Variants in EPB41L4A observed in about 807,000 individuals in gnomAD.
EPB41L4A encodes the protein erythrocyte membrane protein band 4.1 like 4A.
In EPB41L4A, 100 loss-of-function variants were observed where a neutral mutation model predicts 108.6. The ratio of observed to expected loss-of-function variants is 0.92; its 90% CI spans 0.78 to 1.09. The LOEUF is 1.09. Ranked by LOEUF, EPB41L4A falls within the 50% of genes least tolerant of loss-of-function variation. The pLI is 0.00. For missense variants in EPB41L4A, 1,030 were observed against 842.7 expected (o/e 1.22, Z -2.75); for synonymous variants, 319 against 289.0 (o/e 1.10, Z -1.05).
chr5:112,332,699 G>T (rs552486700), intron 1 of EPB41L4A, among the ~76,000 whole-genome samples: 1 of 151,898 alleles, frequency 6.6e-6, no homozygotes, highest in Non-Finnish European at 1.5e-5. Flanking sequence ...GCTAATTCTC[G>T]GAATAACAGA....
chr5:112,143,813 G>T, exon 14 of EPB41L4A: 1 of 451,080 alleles, frequency 2.2e-6, no homozygotes, highest in Non-Finnish European at 4.5e-6. Flanking sequence ...AGCCAAGGAG[G>T]TGGGGCTCTC....
chr5:112,240,929 A>C, intron 9 of EPB41L4A, 119 bp from the exon 10 acceptor site: 1 of 583,954 alleles, frequency 1.7e-6, no homozygotes, highest in Non-Finnish European at 3.0e-6. Flanking sequence ...GATAATATAT[A>C]AATAATAACT....
chr5:112,310,173 A>C (rs1227477040), intron 1 of EPB41L4A, among the ~76,000 whole-genome samples: 1 of 152,244 alleles, frequency 6.6e-6, no homozygotes, highest in African/African-American at 2.4e-5. Flanking sequence ...ACAATAAAAA[A>C]TAATACAGGC....
chr5:112,193,115 G>C (rs1460524387), intron 17 of EPB41L4A, among the ~76,000 whole-genome samples: 1 of 152,146 alleles, frequency 6.6e-6, no homozygotes, highest in East Asian at 1.9e-4. Flanking sequence ...AGCCTCAGAA[G>C]GCTCCACATA....
chr5:112,187,820 T>C (rs1761501247), intron 17 of EPB41L4A, among the ~76,000 whole-genome samples: 1 of 152,220 alleles, frequency 6.6e-6, no homozygotes. Flanking sequence ...CTAAGAAGTC[T>C]TTCAGAGAGA....
At chr5:112,235,851 C>T (rs565741522) in intron 11 of EPB41L4A, among the ~76,000 whole-genome samples, 1 of 152,288 alleles carries the variant, frequency 6.6e-6, no homozygotes, top group South Asian at 2.1e-4. Flanking sequence ...TGTTCAGTAA[C>T]AGTTCATGGA....
intron 1 of EPB41L4A, among the ~76,000 whole-genome samples, chr5:112,380,260 G>T (rs1422870975): frequency 6.6e-6 from 1 of 152,142 alleles, no homozygotes; most frequent in Non-Finnish European, 1.5e-5. Flanking sequence ...AAGGATCAGA[G>T]AGAAAAGCAT....
At chr5:112,231,791 C>CAAAAAAAAA (rs777370941) in intron 12 of EPB41L4A, among the ~76,000 whole-genome samples, 1 of 37,624 alleles carries the variant, frequency 2.7e-5, no homozygotes, top group Non-Finnish European at 4.5e-5. Flanking sequence ...GACTCCGTCT[C>CAAAAAAAAA]AAAAAAAAAA....
At chr5:112,378,961 C>T (rs1759992999) in intron 1 of EPB41L4A, among the ~76,000 whole-genome samples, 1 of 152,116 alleles carries the variant, frequency 6.6e-6, no homozygotes, top group African/African-American at 2.4e-5. Flanking sequence ...TCCAGCAGTC[C>T]ATGTCCACTC....
At chr5:112,160,002 C>CG (rs1561435202), downstream of EPB41L4A, among the ~76,000 whole-genome samples, 1 of 150,764 alleles carries the variant, frequency 6.6e-6, no homozygotes. Context: ...CCACCCCGCC[C>CG]GGGTTCAAGC....
At chr5:112,305,118 C>T (rs1259088177) in intron 2 of EPB41L4A, among the ~76,000 whole-genome samples, 4 of 152,126 alleles carry the variant, frequency 2.6e-5, no homozygotes, top group African/African-American at 9.7e-5. Context: ...TGGAGACACT[C>T]AGACTTGGGG....
chr5:112,308,217 G>A (rs1163651120), intron 1 of EPB41L4A, among the ~76,000 whole-genome samples: 1 of 152,118 alleles, frequency 6.6e-6, no homozygotes, highest in Non-Finnish European at 1.5e-5. Flanking sequence ...CACTTGTATA[G>A]ATACAGCCTC....
intron 1 of EPB41L4A, among the ~76,000 whole-genome samples, chr5:112,379,749 A>T (rs966702784): frequency 1.3e-5 from 2 of 152,222 alleles, no homozygotes; most frequent in Non-Finnish European, 2.9e-5. Flanking sequence ...TCTAAGGCTT[A>T]CCCGAAGGCA....
At chr5:112,272,138 ATT>A (rs61119854) in intron 4 of EPB41L4A, among the ~76,000 whole-genome samples, 1 of 136,538 alleles carries the variant, frequency 7.3e-6, no homozygotes, top group Non-Finnish European at 1.5e-5. Flanking sequence ...CATTATTTGT[ATT>A]TTTTTTTTTT....
At position 112,349,052 on chromosome 5, in the gene EPB41L4A, G is replaced by C. The variant is rs138100739; in HGVS notation, c.100-41562C>G. On this transcript the variant is annotated intron_variant, in intron 1 of 22. Coordinates refer to ENST00000261486, the MANE Select transcript of EPB41L4A (RefSeq NM_022140.5). Reference sequence around the variant, plus strand: ...CAACAGAGAGGAAACTCCCAGGAAAGTAGGAGTAGCCACAACTTCAAATGA... The same window carrying C: ...CAACAGAGAGGAAACTCCCAGGAAACTAGGAGTAGCCACAACTTCAAATGA... Among the ~76,000 whole-genome samples, 517 of 152,326 alleles carry C rather than the reference G, an allele frequency of 3.4e-3. 1 individual carries two copies. Among genetic ancestry groups the C allele is most frequent in the African/African-American group, 0.012 (480 of 41,578 alleles).
intron 2 of EPB41L4A, among the ~76,000 whole-genome samples, chr5:112,294,293 G>C (rs1393965628): frequency 6.6e-6 from 1 of 152,166 alleles, no homozygotes; most frequent in African/African-American, 2.4e-5. Flanking sequence ...CGTGGGAAGG[G>C]GAGGTGTGGG....
intron 2 of EPB41L4A, among the ~76,000 whole-genome samples, chr5:112,299,349 T>C (rs1459115304): frequency 1.3e-5 from 2 of 152,224 alleles, no homozygotes; most frequent in Non-Finnish European, 2.9e-5. Context: ...TGTGTCACTA[T>C]TATCATTCAG....
chr5:112,161,206 GC>G (rs138852863), downstream of EPB41L4A: 32,771 of 269,238 alleles, frequency 0.12, 2,366 homozygotes, highest in South Asian at 0.15. Flanking sequence ...TGCTTGCCCT[GC>G]CCCCGTATAA....
chr5:112,233,933 A>G (rs1213785333), intron 12 of EPB41L4A, among the ~76,000 whole-genome samples: 1 of 152,034 alleles, frequency 6.6e-6, no homozygotes, highest in East Asian at 1.9e-4. Context: ...GGCTCCAGCC[A>G]TCCTCCTGCT....
Sources: allele counts gnomAD v4.1 joint callset (sites outside exome capture counted in the v4.1 genomes callset), GRCh38; gene constraint gnomAD v4.1.1; transcripts MANE v1.5; gene names NCBI Gene and HGNC (gene_info 2026-07-23, HGNC 2026-07-21).